The following TLE5 variants were observed in gnomAD, a reference collection of about 807,000 sequenced individuals.
TLE5 encodes the protein TLE family member 5.
In TLE5, 7 loss-of-function variants were observed where a neutral mutation model predicts 25.8. That is an observed-to-expected ratio of 0.27 (90% confidence interval 0.15 to 0.51). The LOEUF is 0.51. Ranked by LOEUF, TLE5 falls within the 20% of genes least tolerant of loss-of-function variation. The pLI, the probability that TLE5 is intolerant of heterozygous loss-of-function variation, is 0.97. For synonymous variants in TLE5, 132 were observed against 110.5 expected (o/e 1.20, Z -1.22); for missense variants, 149 against 250.7 (o/e 0.59, Z 2.74).
intron 4 of TLE5, chr19:3,056,068 A>C: frequency 1.9e-6 from 1 of 528,036 alleles, no homozygotes; most frequent in Non-Finnish European, 3.3e-6. Context: ...GGCTGTGGGG[A>C]AGGTCTCTGC....
intron 2 of TLE5, among the ~76,000 whole-genome samples, chr19:3,059,674 A>G (rs1333965268): frequency 6.6e-6 from 1 of 152,230 alleles, no homozygotes; most frequent in Non-Finnish European, 1.5e-5. Context: ...GTTGGACAGC[A>G]GGAAGCCCAG....
chr19:3,060,660 G>T (rs1173679746), intron 2 of TLE5, among the ~76,000 whole-genome samples: 1 of 152,058 alleles, frequency 6.6e-6, no homozygotes. Flanking sequence ...AGTGTAAGAG[G>T]ACTAAATAGT....
rs974357590 is a variant in TLE5, at chr19:3,053,368, C to CG, written c.*450dup. ...TGGGAGCATACCTGGGACCCGGGGT[C>CG]GGGGGAGACTCGGGGTGCCCAGGAC... is the stretch of plus-strand genomic sequence containing the variant. On this transcript the variant is annotated 3_prime_UTR_variant, in exon 7 of 7. Coordinates refer to ENST00000327141, the MANE Select transcript of TLE5 (RefSeq NM_001130.6). 19 of 166,966 alleles carry CG rather than the reference C, an allele frequency of 1.1e-4. No individual in the cohort carries two copies. The East Asian group carries it at 3.0e-3, about 26-fold the overall frequency. The allele number at this position is 166,966 out of a possible 1,614,324, so 10.3% of individuals were successfully genotyped here.
Position 3,061,894 on chromosome 19 carries a change from G to T in TLE5, c.27+280C>A, listed in dbSNP as rs1473684415. ...TGACTGTCCCGGCGGGTTGGGGGGG[G>T]GGGGCGCCAAGCCGGGAGCTGCGGC... On this transcript the variant is annotated intron_variant, in intron 1 of 6. Coordinates refer to ENST00000327141, the MANE Select transcript of TLE5 (RefSeq NM_001130.6). Among the ~76,000 whole-genome samples, 20 of 145,360 alleles carry T rather than the reference G, an allele frequency of 1.4e-4. 1 individual carries two copies. Among genetic ancestry groups the T allele is most frequent in the Non-Finnish European group, 2.5e-4 (16 of 65,134 alleles).
chr19:3,053,776 TCCCCTCTGTCC>T lies in TLE5; in HGVS notation c.*32_*42del. On this transcript the variant is annotated 3_prime_UTR_variant, in exon 7 of 7. Coordinates refer to ENST00000327141, the MANE Select transcript of TLE5 (RefSeq NM_001130.6). ...ATTCCTTTCTCTCCGTGCCTCTGTC[TCCCCTCTGTCC>T]CCCCTCCCAACCTCCCTGTCCCGGC... The T allele has an allele frequency of 6.3e-7, 1 of 1,581,496 alleles. No homozygotes were observed. Among genetic ancestry groups the T allele is most frequent in the African/African-American group, 1.3e-5 (1 of 74,446 alleles).
intron 5 of TLE5, chr19:3,054,541 T>G (rs996751646): frequency 4.6e-5 from 18 of 393,434 alleles, no homozygotes; most frequent in Non-Finnish European, 6.7e-5. Flanking sequence ...ATGTGAAACA[T>G]GTGAATGTTT....
At chr19:3,054,086 T>TCCGGGGGGGGCCCCC in intron 6 of TLE5, 34 bp downstream of exon 6, 3 of 1,512,806 alleles carry the variant, frequency 2.0e-6, no homozygotes, top group Non-Finnish European at 2.7e-6. Context: ...GGCCCACCTG[T>TCCGGGGGGGGCCCCC]CCCCCGCCCA....
rs781554040 is a variant in TLE5 at position 3,057,716 on chromosome 19, G to A, written c.152C>T (p.Ala51Val). 7 of 1,613,522 alleles carry A rather than the reference G, an allele frequency of 4.3e-6. No homozygotes were observed. The South Asian group carries it at 7.7e-5, about 18-fold the overall frequency. The change falls in exon 3 of 7, where the codon GCC becomes GTC. Residue 51 changes from alanine (A) to valine (V), a missense_variant. Coordinates refer to ENST00000327141, the MANE Select transcript of TLE5 (RefSeq NM_001130.6). ...HSLKLECDKL[A>V]SEKSEMQRHY... ...ACGCTGCATCTCTGACTTCTCACTGGCCAACTTGTCACATTCGAGCTTGAG... is the reference window on the plus strand; with the variant it reads ...ACGCTGCATCTCTGACTTCTCACTGACCAACTTGTCACATTCGAGCTTGAG...
chr19:3,061,496 G>A (rs759359429), intron 1 of TLE5: 22 of 325,802 alleles, frequency 6.8e-5, no homozygotes, highest in Admixed American at 1.5e-4. Flanking sequence ...CCCAGGCAGT[G>A]GGGGTGCGTT....
chr19:3,062,937 G>T, upstream of TLE5: 1 of 885,482 alleles, frequency 1.1e-6, no homozygotes, highest in Non-Finnish European at 1.8e-6. Flanking sequence ...TTTATAGAAC[G>T]CCTACTGTGT....
In TLE5 at chr19:3,056,348, C is replaced by T; in HGVS notation, c.198G>A (p.Glu66=). The T allele has an allele frequency of 6.6e-7, 1 of 1,513,728 alleles. No homozygotes were observed. The highest frequency in any genetic ancestry group is 2.2e-5 in the Admixed American group (1 of 46,072). 93.8% of individuals were successfully genotyped at this position (1,513,728 alleles called of 1,614,324 possible). Residue 66 remains glutamate, a synonymous_variant, in exon 4 of 7, where the codon GAG becomes GAA. Transcript: ENST00000327141. ...EMQRHYVMYY[E]MSYGLNIEMH... ...TCTCGATGTTCAAGCCGTAGGACAT[C>T]TCGTAGTACTGTATGGGGGAGAGAG...
intron 2 of TLE5, among the ~76,000 whole-genome samples, chr19:3,058,473 G>A (rs2090238815): frequency 6.6e-6 from 1 of 152,220 alleles, no homozygotes; most frequent in Admixed American, 6.5e-5. Flanking sequence ...GGGGCTGCAA[G>A]GCGGCTCCCG....
rs770182093 is a variant in TLE5 at position 3,057,724 on chromosome 19, G to A, written c.144C>T (p.Asp48=). The A allele has an allele frequency of 1.9e-6, 3 of 1,613,662 alleles. No individual in the cohort carries two copies. Among genetic ancestry groups the A allele is most frequent in the Non-Finnish European group, 2.5e-6 (3 of 1,179,940 alleles). ...AQYHSLKLEC[D]KLASEKSEMQ... ...TCTCTGACTTCTCACTGGCCAACTT[G>A]TCACATTCGAGCTTGAGGCTGAGGA... Residue 48 remains aspartate, a synonymous_variant, in exon 3 of 7, where the codon GAC becomes GAT. Coordinates refer to ENST00000327141, the MANE Select transcript of TLE5 (RefSeq NM_001130.6).
intron 2 of TLE5, among the ~76,000 whole-genome samples, chr19:3,060,004 G>A (rs1044798859): frequency 2.6e-5 from 4 of 152,122 alleles, no homozygotes; most frequent in Non-Finnish European, 5.9e-5. Flanking sequence ...CAAAAAGGTG[G>A]GATATTTGCA....
At position 3,061,277 on chromosome 19, in the gene TLE5, C is replaced by T. The variant is rs1210362314; in HGVS notation, c.28-20G>A. The T allele has an allele frequency of 1.3e-6, 2 of 1,595,610 alleles. No homozygotes were observed. The highest frequency in any genetic ancestry group is 2.2e-5 in the East Asian group (1 of 44,716). ...GGAGCCCTGTAGGGATGGGGCGGCC[C>T]GGGTCAGGCCCAGGCGTGGGCTGGA... is the stretch of plus-strand genomic sequence containing the variant. On this transcript the variant is annotated intron_variant, in intron 1 of 6. Transcript: ENST00000327141.
At chr19:3,054,087 C>CCGGGGGG in intron 6 of TLE5, 33 bp downstream of exon 6, 2 of 1,476,454 alleles carry the variant, frequency 1.4e-6, no homozygotes, top group Non-Finnish European at 1.8e-6. Flanking sequence ...GCCCACCTGT[C>CCGGGGGG]CCCCGCCCAC....
intron 2 of TLE5, among the ~76,000 whole-genome samples, chr19:3,058,758 G>C (rs1012180393): frequency 6.6e-6 from 1 of 152,184 alleles, no homozygotes; most frequent in African/African-American, 2.4e-5. Context: ...CCCAGTCCAG[G>C]AAAAGAACTG....
chr19:3,061,858 G>T (rs983283389), intron 1 of TLE5, among the ~76,000 whole-genome samples: 1 of 137,818 alleles, frequency 7.3e-6, no homozygotes, highest in Non-Finnish European at 1.6e-5. Flanking sequence ...GGCCAAGGCC[G>T]TCCGAGGCCC....
At chr19:3,061,301 G>T in intron 1 of TLE5, 44 bp from the exon 2 acceptor site, 1 of 1,519,870 alleles carries the variant, frequency 6.6e-7, no homozygotes, top group South Asian at 1.1e-5. Context: ...GCGTGGGCTG[G>T]ACCCCCCTCA....
Sources: gnomAD v4.1 joint callset for allele counts (sites outside exome capture counted in the v4.1 genomes callset) on GRCh38, gnomAD v4.1.1 for gene constraint, MANE v1.5 for transcripts, NCBI Gene and HGNC (gene_info 2026-07-23, HGNC 2026-07-21) for gene names.